Variants in KDM4C observed in about 807,000 individuals in gnomAD.
KDM4C encodes lysine-specific demethylase 4C.
Under a neutral mutation model 129.3 loss-of-function variants are expected in KDM4C, and 81 were observed. The observed-to-expected ratio is 0.63, with a 90% CI of 0.52 to 0.75. The LOEUF (loss-of-function observed/expected upper bound fraction) is 0.75, where lower values mean the gene tolerates loss of function less well. Among genes scored for constraint, KDM4C ranks in the 30% least tolerant of loss-of-function variants. KDM4C has a pLI of 0.00. For missense variants in KDM4C, 1,457 were observed against 1,304.0 expected (o/e 1.12, Z -1.81); for synonymous variants, 573 against 456.1 (o/e 1.26, Z -3.26).
chr9:6,918,919 T>C (rs896623825), intron 8 of KDM4C, among the ~76,000 whole-genome samples: 1 of 152,158 alleles, frequency 6.6e-6, no homozygotes, highest in African/African-American at 2.4e-5. Flanking sequence ...TGGCACAGTC[T>C]TAGCTCACTG....
intron 15 of KDM4C, among the ~76,000 whole-genome samples, chr9:7,045,345 T>G (rs982533106): frequency 6.6e-6 from 1 of 152,064 alleles, no homozygotes; most frequent in African/African-American, 2.4e-5. Context: ...ATTCCCACTT[T>G]GAAACTAACA....
At chr9:6,939,528 C>T (rs62533832) in intron 8 of KDM4C, among the ~76,000 whole-genome samples, 38,169 of 152,104 alleles carry the variant, frequency 0.25, 5,327 homozygotes, top group South Asian at 0.4. Flanking sequence ...TTGTCAGTCC[C>T]TGGTGCCAGA....
At chr9:7,004,501 GT>G (rs1436452010) in intron 12 of KDM4C, among the ~76,000 whole-genome samples, 1 of 152,218 alleles carries the variant, frequency 6.6e-6, no homozygotes, top group East Asian at 1.9e-4. Context: ...CAACTAATAT[GT>G]TGTGTAATAT....
intron 1 of KDM4C, chr9:6,734,826 G>T: frequency 2.1e-6 from 1 of 470,482 alleles, no homozygotes; most frequent in South Asian, 1.7e-5. Context: ...TTTCTCTACA[G>T]GATCAACTAC....
intron 5 of KDM4C, among the ~76,000 whole-genome samples, chr9:6,876,587 C>G (rs758835043): frequency 6.6e-6 from 1 of 152,178 alleles, no homozygotes; most frequent in Non-Finnish European, 1.5e-5. Context: ...TCTCTCTTCT[C>G]ATGGCATGCT....
In KDM4C at chr9:7,082,432, A is replaced by G. The variant is rs2132949528; in HGVS notation, c.2425-21253A>G. 2.0e-5 allele frequency among the ~76,000 whole-genome samples: 3 copies of G among 152,324 alleles called. No homozygotes were observed. In the South Asian group the frequency reaches 6.2e-4, roughly 32 times the overall value. ...GGGTGAAGGCACCCCGTTAAGAATG[A>G]TGCCACAAACCATCACTGGATTTTC... On this transcript the variant is annotated intron_variant, in intron 17 of 21. Transcript: ENST00000381309.
At chr9:7,059,381 G>C (rs1831303081) in intron 17 of KDM4C, among the ~76,000 whole-genome samples, 1 of 152,152 alleles carries the variant, frequency 6.6e-6, no homozygotes, top group Admixed American at 6.5e-5. Context: ...GGGATTACAG[G>C]ACTAAGCCAC....
chr9:6,840,801 G>A (rs1836782356), intron 4 of KDM4C, among the ~76,000 whole-genome samples: 1 of 152,198 alleles, frequency 6.6e-6, no homozygotes, highest in Non-Finnish European at 1.5e-5. Context: ...CCTAGCATGG[G>A]GGTTATCCCA....
intron 21 of KDM4C, 38 bp from the exon 22 acceptor site, chr9:7,174,515 G>A: frequency 1.3e-6 from 2 of 1,598,684 alleles, no homozygotes; most frequent in Non-Finnish European, 1.7e-6. Flanking sequence ...AAGATCAAAT[G>A]CCGTGCCCTT....
At chr9:6,952,889 A>G (rs1361190064) in intron 8 of KDM4C, among the ~76,000 whole-genome samples, 1 of 152,232 alleles carries the variant, frequency 6.6e-6, no homozygotes, top group Non-Finnish European at 1.5e-5. Flanking sequence ...GTTACTCAAC[A>G]TTTGTACAGT....
intron 1 of KDM4C, among the ~76,000 whole-genome samples, chr9:6,749,851 T>G (rs771509464): frequency 1.8e-4 from 27 of 151,316 alleles, no homozygotes; most frequent in Non-Finnish European, 4.4e-5. Flanking sequence ...CCGGGTGTGG[T>G]GGTGCATGCC....
chr9:7,078,709 CA>C (rs1834197395), intron 17 of KDM4C, among the ~76,000 whole-genome samples: 1 of 152,204 alleles, frequency 6.6e-6, no homozygotes, highest in Non-Finnish European at 1.5e-5. Flanking sequence ...ATAGCCAAAA[CA>C]ATAACTTAAA....
chr9:7,156,943 C>T (rs1170175270), intron 19 of KDM4C, among the ~76,000 whole-genome samples: 1 of 152,176 alleles, frequency 6.6e-6, no homozygotes, highest in African/African-American at 2.4e-5. Flanking sequence ...TTACCTTGGG[C>T]AGTGTAGCCA....
chr9:7,005,656 C>T (rs1444715108), intron 12 of KDM4C, among the ~76,000 whole-genome samples: 2 of 152,120 alleles, frequency 1.3e-5, no homozygotes, highest in Non-Finnish European at 2.9e-5. Context: ...CCCCCACAGA[C>T]CTTTGCAGAG....
intron 8 of KDM4C, among the ~76,000 whole-genome samples, chr9:6,964,797 A>AAAG (rs1460947661): frequency 6.6e-6 from 1 of 150,702 alleles, no homozygotes; most frequent in Non-Finnish European, 1.5e-5. Flanking sequence ...AAAAAAAAAA[A>AAAG]AAAACCACAG....
chr9:6,774,223 T>C (rs1588170589), intron 1 of KDM4C, among the ~76,000 whole-genome samples: 1 of 151,878 alleles, frequency 6.6e-6, no homozygotes, highest in Non-Finnish European at 1.5e-5. Flanking sequence ...CAAAATACAA[T>C]GAAAAAACAG....
intron 17 of KDM4C, among the ~76,000 whole-genome samples, chr9:7,052,632 C>T (rs1333513644): frequency 6.6e-6 from 1 of 152,118 alleles, no homozygotes; most frequent in Non-Finnish European, 1.5e-5. Context: ...CTCCAGAGAG[C>T]CTATGAAACA....
At chr9:7,149,611 T>C (rs1270206193) in intron 19 of KDM4C, among the ~76,000 whole-genome samples, 1 of 152,252 alleles carries the variant, frequency 6.6e-6, no homozygotes, top group East Asian at 1.9e-4. Context: ...CCACCAGTAG[T>C]AATGAATACT....
rs1844160558 is a variant in KDM4C, at chr9:7,164,515, G to C, written c.2782-723G>C. The stretch of plus-strand genomic sequence containing the variant: ...AAAAGGTGGGCTCGTCAATTAACAG[G>C]AGATGCTGGCAGAAGCACATTTATG... On this transcript the variant is annotated intron_variant, in intron 19 of 21. Transcript: ENST00000381309. Among the ~76,000 whole-genome samples the C allele has an allele frequency of 2.6e-5, 4 of 152,278 alleles. No individual in the cohort carries two copies. In the South Asian group the frequency reaches 6.2e-4, roughly 24 times the overall value.
Sources: gnomAD v4.1 joint callset for allele counts (sites outside exome capture counted in the v4.1 genomes callset) on GRCh38, gnomAD v4.1.1 for gene constraint, MANE v1.5 for transcripts, NCBI Gene and HGNC (gene_info 2026-07-23, HGNC 2026-07-21) for gene names.